The following ANO3 variants were observed in gnomAD, a reference collection of about 807,000 sequenced individuals.
ANO3 encodes the protein anoctamin-3.
In ANO3, 99 loss-of-function variants were observed where a neutral mutation model predicts 144.8. That is an observed-to-expected ratio of 0.68 (90% confidence interval 0.58 to 0.81). The LOEUF (loss-of-function observed/expected upper bound fraction) is 0.81. Ranked by LOEUF, ANO3 falls within the 30% of genes least tolerant of loss-of-function variation. The pLI, the probability that ANO3 is intolerant of heterozygous loss-of-function variation, is 0.00. For synonymous variants in ANO3, 414 were observed against 392.6 expected, an observed-to-expected ratio of 1.05 and a Z score of -0.64; for missense variants, 905 against 1,202.2, an observed-to-expected ratio of 0.75 and a Z score of 3.66.
chr11:26,333,345 G>A (rs1359900707), intron 1 of ANO3, among the ~76,000 whole-genome samples: 1 of 150,228 alleles, frequency 6.7e-6, no homozygotes, highest in Non-Finnish European at 1.5e-5. Context: ...GCAGTGGCGC[G>A]ATCTCGGCTC....
chr11:26,190,896 CTA>C (rs2133902278), intron 1 of ANO3, among the ~76,000 whole-genome samples: 1 of 152,292 alleles, frequency 6.6e-6, no homozygotes, highest in Admixed American at 6.5e-5. Context: ...CCATATTTTT[CTA>C]TGACTTCTAA....
At chr11:26,284,748 CA>C (rs555450227) in intron 1 of ANO3, among the ~76,000 whole-genome samples, 5 of 151,126 alleles carry the variant, frequency 3.3e-5, no homozygotes, top group Non-Finnish European at 7.4e-5. Context: ...AAAAAAAATA[CA>C]AAAAAAATTA....
chr11:26,643,468 T>A, intron 23 of ANO3, 134 bp downstream of exon 23: 2 of 1,023,970 alleles, frequency 2.0e-6, no homozygotes, highest in Non-Finnish European at 1.4e-6. Context: ...AAGAAGTGAT[T>A]AAGCTGGCCG....
At chr11:26,603,050 C>T (rs1397752422) in intron 17 of ANO3, among the ~76,000 whole-genome samples, 1 of 152,148 alleles carries the variant, frequency 6.6e-6, no homozygotes, top group African/African-American at 2.4e-5. Flanking sequence ...CACCGTATTA[C>T]ATTTTTAAAA....
chr11:26,459,196 C>G (rs1859277399), intron 3 of ANO3, among the ~76,000 whole-genome samples: 1 of 151,994 alleles, frequency 6.6e-6, no homozygotes, highest in South Asian at 2.1e-4. Flanking sequence ...TAGTAAGGAG[C>G]TAGATGATGC....
chr11:26,246,155 G>A (rs952179227), intron 1 of ANO3, among the ~76,000 whole-genome samples: 24 of 152,062 alleles, frequency 1.6e-4, no homozygotes, highest in African/African-American at 3.6e-4. Flanking sequence ...TCAAAGCACC[G>A]TATTTGTGGG....
intron 1 of ANO3, among the ~76,000 whole-genome samples, chr11:26,321,918 C>A (rs1259305335): frequency 6.6e-6 from 1 of 151,968 alleles, no homozygotes; most frequent in Non-Finnish European, 1.5e-5. Flanking sequence ...TATTGCTATA[C>A]TTTCAGTGTT....
At chr11:26,289,972 A>T (rs1853917563) in intron 1 of ANO3, among the ~76,000 whole-genome samples, 1 of 151,078 alleles carries the variant, frequency 6.6e-6, no homozygotes, top group Non-Finnish European at 1.5e-5. Flanking sequence ...TTTCCTATTG[A>T]TTGGAAGAAA....
chr11:26,189,277 T>C, exon 1 of ANO3: 1 of 985,344 alleles, frequency 1.0e-6, no homozygotes, highest in Non-Finnish European at 1.2e-6. Flanking sequence ...TTGACTGAAC[T>C]CTCTGGTGAT....
At chr11:26,515,616 G>A (rs536550757) in intron 5 of ANO3, among the ~76,000 whole-genome samples, 47 of 152,072 alleles carry the variant, frequency 3.1e-4, no homozygotes, top group African/African-American at 1.1e-3. Context: ...ATATGCATAT[G>A]AAAATGTTAT....
In ANO3 at chr11:26,598,990, T is replaced by C; in HGVS notation, c.1663T>C (p.Phe555Leu). 1 of 1,613,902 alleles carries C rather than the reference T, an allele frequency of 6.2e-7. No individual in the cohort carries two copies. Among genetic ancestry groups the C allele is most frequent in the Non-Finnish European group, 8.5e-7 (1 of 1,179,938 alleles). ...TCTTCTTGTTTCTGTCTCAGGAATA[T>C]TCTTCATGGTAAAGTATAGGCATCG... ...TRLLVSVSGI[F>L]FMISLVITAV... Residue 555 changes from phenylalanine (F) to leucine (L), a missense_variant, in exon 16 of 27, where the codon TTC (phenylalanine) becomes CTC (leucine). By Grantham distance (22) the Phe-to-Leu change is conservative (BLOSUM62 0). Transcript: ENST00000256737.
chr11:26,597,135 C>T (rs531454398), intron 14 of ANO3, among the ~76,000 whole-genome samples: 22 of 152,226 alleles, frequency 1.4e-4, no homozygotes, highest in African/African-American at 5.3e-4. Context: ...GGAGAAGCGC[C>T]GTACGGGCCA....
intron 14 of ANO3, among the ~76,000 whole-genome samples, chr11:26,584,935 G>T (rs7115708): frequency 0.011 from 1,654 of 152,274 alleles, 36 homozygotes; most frequent in African/African-American, 0.038. Context: ...AGAGAGGCAG[G>T]TGTGAAAAGT....
intron 3 of ANO3, among the ~76,000 whole-genome samples, chr11:26,450,834 G>A (rs547422225): frequency 5.9e-5 from 9 of 152,064 alleles, no homozygotes; most frequent in Non-Finnish European, 8.8e-5. Flanking sequence ...GCAATGTAAC[G>A]GAGTAACAAA....
chr11:26,441,401 G>C (rs1565026735), intron 1 of ANO3, among the ~76,000 whole-genome samples: 1 of 151,354 alleles, frequency 6.6e-6, no homozygotes, highest in African/African-American at 2.4e-5. Flanking sequence ...ACAGGCGTGA[G>C]CCACTGCGCC....
At chr11:26,509,704 G>T (rs1861581967) in intron 5 of ANO3, among the ~76,000 whole-genome samples, 1 of 152,102 alleles carries the variant, frequency 6.6e-6, no homozygotes, top group Non-Finnish European at 1.5e-5. Flanking sequence ...TAGATAATTT[G>T]CTAATAAGCA....
intron 1 of ANO3, among the ~76,000 whole-genome samples, chr11:26,337,780 C>G (rs1026917316): frequency 5.3e-5 from 8 of 151,966 alleles, no homozygotes; most frequent in Non-Finnish European, 1.2e-4. Flanking sequence ...ACTAAAAATA[C>G]AAAAATTATC....
chr11:26,189,433 T>C, intron 1 of ANO3: 3 of 656,132 alleles, frequency 4.6e-6, no homozygotes, highest in Non-Finnish European at 5.7e-6. Flanking sequence ...ATCCATTTTC[T>C]GGTGGTATAG....
intron 1 of ANO3, among the ~76,000 whole-genome samples, chr11:26,255,561 C>T (rs773205638): frequency 3.9e-5 from 6 of 152,072 alleles, no homozygotes; most frequent in South Asian, 2.1e-4. Context: ...TTAATAGGAA[C>T]CACAGCTAGA....
Sources: allele counts gnomAD v4.1 joint callset (sites outside exome capture counted in the v4.1 genomes callset), GRCh38; gene constraint gnomAD v4.1.1; transcripts MANE v1.5; gene names NCBI Gene and HGNC (gene_info 2026-07-23, HGNC 2026-07-21).